The following ZBTB20 variants were observed in gnomAD, a reference collection of about 807,000 sequenced individuals.
ZBTB20 encodes the protein zinc finger and BTB domain containing 20.
A neutral mutation model predicts 56.9 loss-of-function variants in ZBTB20; 9 were observed. The observed-to-expected ratio is 0.16, with a 90% CI of 0.10 to 0.28. The LOEUF (loss-of-function observed/expected upper bound fraction) is 0.28. Among genes scored for constraint, ZBTB20 ranks in the 10% least tolerant of loss-of-function variants. The probability of loss-of-function intolerance (pLI) is 1.00; values close to 1 mark genes in which losing one functional copy is unlikely to be tolerated. For missense variants in ZBTB20, 655 were observed against 1,003.0 expected, an observed-to-expected ratio of 0.65 and a Z score of 4.69; for synonymous variants, 417 against 420.7, an observed-to-expected ratio of 0.99 and a Z score of 0.11.
At position 114,315,568 on chromosome 3, in the gene ZBTB20, AGTGTGTGTGTGTGTGTGTGTGT is replaced by A. The variant is rs60383315; in HGVS notation, c.*23415_*23436del. ...GTGTGTATTTTAGGTCTAAACATAC[AGTGTGTGTGTGTGTGTGTGTGT>A]GTGTGTGTGTGTGTGTACACAGTAG... On this transcript the variant is annotated 3_prime_UTR_variant, in exon 12 of 12. Transcript: ENST00000675478. 6.8e-6 allele frequency: 1 copy of A among 147,598 alleles called. No individual in the cohort carries two copies. Among genetic ancestry groups the A allele is most frequent in the Non-Finnish European group, 1.5e-5 (1 of 67,086 alleles). 9.1% of individuals were successfully genotyped at this position (147,598 alleles called of 1,614,324 possible). A position where few individuals can be genotyped will look rare whatever the true frequency, so the allele number is the denominator to read the frequency against.
chr3:114,878,988 C>G (rs1203458176), intron 4 of ZBTB20, among the ~76,000 whole-genome samples: 1 of 152,142 alleles, frequency 6.6e-6, no homozygotes, highest in Non-Finnish European at 1.5e-5. Flanking sequence ...GAATTGGCAC[C>G]AAAGCCTCGA....
intron 4 of ZBTB20, among the ~76,000 whole-genome samples, chr3:114,841,116 T>C (rs1394165013): frequency 2.6e-5 from 4 of 152,148 alleles, no homozygotes; most frequent in Non-Finnish European, 5.9e-5. Context: ...ACTCCCTACC[T>C]TAAGGATAAT....
Position 114,969,738 on chromosome 3 carries a change from G to A in ZBTB20, c.-456+4628C>T, listed in dbSNP as rs530082417. Among the ~76,000 whole-genome samples, 9 of 152,258 alleles carry A rather than the reference G, an allele frequency of 5.9e-5. No homozygotes were observed. The East Asian group carries it at 1.7e-3, about 29-fold the overall frequency. The stretch of plus-strand genomic sequence containing the variant: ...ATTCAGTTATAAGAAAGTATAATAT[G>A]TATGTTATAACAGTAAAATTATAGA... On this transcript the variant is annotated intron_variant, in intron 3 of 11. Coordinates refer to ENST00000675478, the MANE Select transcript of ZBTB20 (RefSeq NM_001348800.3).
chr3:115,097,471 T>A (rs954152329), intron 1 of ZBTB20, among the ~76,000 whole-genome samples: 3 of 152,088 alleles, frequency 2.0e-5, no homozygotes, highest in Non-Finnish European at 4.4e-5. Context: ...AAAAAAAATC[T>A]ACTGTTTGGT....
At chr3:114,619,029 G>A (rs1417265521) in intron 6 of ZBTB20, among the ~76,000 whole-genome samples, 1 of 152,082 alleles carries the variant, frequency 6.6e-6, no homozygotes, top group Non-Finnish European at 1.5e-5. Flanking sequence ...CCTTCGGAGT[G>A]GTTTGTACAT....
chr3:115,072,089 A>C (rs563059512), intron 1 of ZBTB20, among the ~76,000 whole-genome samples: 1 of 152,144 alleles, frequency 6.6e-6, no homozygotes, highest in Non-Finnish European at 1.5e-5. Context: ...ATCAGGGTTT[A>C]TTTCTTTTAT....
chr3:115,027,169 G>A (rs912714343), intron 2 of ZBTB20, among the ~76,000 whole-genome samples: 10 of 150,752 alleles, frequency 6.6e-5, no homozygotes, highest in South Asian at 2.1e-4. Flanking sequence ...CTTTGCATAC[G>A]TCTCTGAATA....
At chr3:114,901,566 A>G (rs1181423756) in intron 3 of ZBTB20, among the ~76,000 whole-genome samples, 1 of 152,168 alleles carries the variant, frequency 6.6e-6, no homozygotes, top group Non-Finnish European at 1.5e-5. Context: ...GTAATAGAAA[A>G]CCAACAGAAA....
chr3:114,862,666 A>G (rs2075586819), intron 4 of ZBTB20, among the ~76,000 whole-genome samples: 1 of 152,166 alleles, frequency 6.6e-6, no homozygotes, highest in South Asian at 2.1e-4. Context: ...AGCCTATAAC[A>G]TACCTGGATG....
At position 114,816,738 on chromosome 3, in the gene ZBTB20, A is replaced by T. The variant is rs75305026; in HGVS notation, c.-416-15564T>A. ...ACATTTTGGGTTTCTCCTACTATGC[A>T]TGTTAACTCTTTGTGAATAGTTCTA... On this transcript the variant is annotated intron_variant, in intron 4 of 11. Coordinates refer to ENST00000675478, the MANE Select transcript of ZBTB20 (RefSeq NM_001348800.3). Among the ~76,000 whole-genome samples the T allele has an allele frequency of 4.6e-3, 697 of 152,266 alleles. 3 individuals carry two copies. The highest frequency in any genetic ancestry group is 0.017 in the Middle Eastern group (5 of 294).
chr3:115,050,701 T>C (rs918219152), intron 2 of ZBTB20, among the ~76,000 whole-genome samples: 2 of 152,068 alleles, frequency 1.3e-5, no homozygotes, highest in African/African-American at 4.8e-5. Context: ...ATAACTGGCA[T>C]GTAAACTTAG....
intron 1 of ZBTB20, among the ~76,000 whole-genome samples, chr3:115,131,566 C>A (rs919973812): frequency 6.6e-6 from 1 of 152,104 alleles, no homozygotes; most frequent in Non-Finnish European, 1.5e-5. Context: ...TTACAACAAC[C>A]TGGAAACCAA....
intron 8 of ZBTB20, among the ~76,000 whole-genome samples, chr3:114,385,556 T>G (rs2085005537): frequency 6.6e-6 from 1 of 152,230 alleles, no homozygotes; most frequent in African/African-American, 2.4e-5. Flanking sequence ...TCTGTGATAT[T>G]CATCATGTTA....
chr3:114,523,872 A>C (rs1363235389), intron 6 of ZBTB20, among the ~76,000 whole-genome samples: 2 of 152,230 alleles, frequency 1.3e-5, no homozygotes, highest in African/African-American at 4.8e-5. Flanking sequence ...GTAAATGACA[A>C]GGAAACATAT....
At chr3:114,874,918 A>T (rs901112202) in intron 4 of ZBTB20, among the ~76,000 whole-genome samples, 1 of 152,176 alleles carries the variant, frequency 6.6e-6, no homozygotes, top group African/African-American at 2.4e-5. Flanking sequence ...TATAGCAGAG[A>T]CTATCCAACC....
At chr3:115,042,615 C>T (rs1364201569) in intron 2 of ZBTB20, among the ~76,000 whole-genome samples, 2 of 152,128 alleles carry the variant, frequency 1.3e-5, no homozygotes, top group Non-Finnish European at 2.9e-5. Context: ...GAATAGTTTT[C>T]GTTTGACTTT....
intron 5 of ZBTB20, among the ~76,000 whole-genome samples, chr3:114,768,899 A>G (rs550357082): frequency 6.6e-6 from 1 of 152,332 alleles, no homozygotes; most frequent in South Asian, 2.1e-4. Flanking sequence ...CATGCTACAC[A>G]GTACTCAAAA....
At chr3:115,055,187 ATCTCTCTCTCTCTCTCTCTCTC>A (rs58480744) in intron 2 of ZBTB20, among the ~76,000 whole-genome samples, 1 of 103,142 alleles carries the variant, frequency 9.7e-6, no homozygotes. Flanking sequence ...CCTCCTGGTA[ATCTCTCTCTCTCTCTCTCTCTC>A]TCTCTCTCTC....
intron 5 of ZBTB20, among the ~76,000 whole-genome samples, chr3:114,766,280 C>G (rs896961988): frequency 2.6e-5 from 4 of 151,222 alleles, no homozygotes. Context: ...TGTTATCAAT[C>G]TGAAATGGGC....
Sources: allele counts gnomAD v4.1 joint callset (sites outside exome capture counted in the v4.1 genomes callset), GRCh38; gene constraint gnomAD v4.1.1; transcripts MANE v1.5; gene names NCBI Gene and HGNC (gene_info 2026-07-23, HGNC 2026-07-21).